The following HS6ST3 variants were observed in gnomAD, a reference collection of about 807,000 sequenced individuals.
HS6ST3 encodes the protein heparan sulfate 6-O-sulfotransferase 3.
Under a neutral mutation model 36.7 loss-of-function variants are expected in HS6ST3, and 12 were observed. The ratio of observed to expected loss-of-function variants is 0.33; its 90% CI spans 0.21 to 0.53. The LOEUF (loss-of-function observed/expected upper bound fraction) is 0.53, where lower values mean the gene tolerates loss of function less well. HS6ST3 is among the 20% of genes least tolerant of loss of function. The pLI, the probability that HS6ST3 is intolerant of heterozygous loss-of-function variation, is 0.95. For synonymous variants in HS6ST3, 240 were observed against 257.5 expected, an observed-to-expected ratio of 0.93 and a Z score of 0.65; for missense variants, 584 against 640.9, an observed-to-expected ratio of 0.91 and a Z score of 0.96.
chr13:96,730,437 G>A (rs1313267921), intron 1 of HS6ST3, among the ~76,000 whole-genome samples: 7 of 152,086 alleles, frequency 4.6e-5, no homozygotes, highest in Non-Finnish European at 1.0e-4. Context: ...AGAGTTAATT[G>A]GATCACCAGG....
intron 1 of HS6ST3, among the ~76,000 whole-genome samples, chr13:96,782,319 C>T (rs1924595): frequency 0.44 from 67,094 of 152,024 alleles, 18,076 homozygotes; most frequent in African/African-American, 0.77. Context: ...TTCTCCAAAA[C>T]AGTCGCCATG....
intron 1 of HS6ST3, among the ~76,000 whole-genome samples, chr13:96,555,284 G>A (rs563630994): frequency 8.5e-5 from 13 of 152,142 alleles, no homozygotes; most frequent in South Asian, 2.1e-4. Flanking sequence ...TTTTCAAAAC[G>A]TCATGTTGTA....
At chr13:96,362,583 T>C (rs965862101) in intron 1 of HS6ST3, among the ~76,000 whole-genome samples, 10 of 152,188 alleles carry the variant, frequency 6.6e-5, no homozygotes, top group Non-Finnish European at 1.2e-4. Flanking sequence ...TGTGTGAATC[T>C]CACTGGTGGA....
At chr13:96,132,411 T>C (rs1390992499) in intron 1 of HS6ST3, among the ~76,000 whole-genome samples, 3 of 139,262 alleles carry the variant, frequency 2.2e-5, no homozygotes, top group African/African-American at 8.6e-5. Context: ...TTTCTTTTTC[T>C]TTTTTTTTTT....
intron 1 of HS6ST3, among the ~76,000 whole-genome samples, chr13:96,818,221 T>C (rs1211016102): frequency 1.3e-5 from 2 of 152,204 alleles, no homozygotes; most frequent in Non-Finnish European, 1.5e-5. Context: ...TAAATTATCA[T>C]GCATATATTT....
At chr13:96,768,222 C>T (rs1877169248) in intron 1 of HS6ST3, among the ~76,000 whole-genome samples, 1 of 152,186 alleles carries the variant, frequency 6.6e-6, no homozygotes, top group Admixed American at 6.5e-5. Flanking sequence ...GTAGGTCACA[C>T]TTGCTTAGCA....
intron 1 of HS6ST3, among the ~76,000 whole-genome samples, chr13:96,331,989 C>T (rs2055072449): frequency 6.6e-6 from 1 of 152,236 alleles, no homozygotes; most frequent in Admixed American, 6.5e-5. Flanking sequence ...AAAGGGAACT[C>T]CCTGACCCCT....
At chr13:96,424,383 G>C (rs2055576279) in intron 1 of HS6ST3, among the ~76,000 whole-genome samples, 1 of 152,086 alleles carries the variant, frequency 6.6e-6, no homozygotes, top group Non-Finnish European at 1.5e-5. Context: ...ATTTCATTTA[G>C]AAATATTATA....
intron 1 of HS6ST3, among the ~76,000 whole-genome samples, chr13:96,772,368 C>A (rs1594856612): frequency 6.6e-6 from 1 of 152,120 alleles, no homozygotes; most frequent in African/African-American, 2.4e-5. Context: ...TATAAGCAAA[C>A]TCAATTAAAG....
At chr13:96,514,363 G>T (rs1445845264) in intron 1 of HS6ST3, among the ~76,000 whole-genome samples, 1 of 152,132 alleles carries the variant, frequency 6.6e-6, no homozygotes. Context: ...GGTTTTTCTC[G>T]CTCTGATCAT....
At chr13:96,543,736 G>A (rs2056186953) in intron 1 of HS6ST3, among the ~76,000 whole-genome samples, 1 of 152,084 alleles carries the variant, frequency 6.6e-6, no homozygotes. Flanking sequence ...AGGAAAGTGT[G>A]GCTGATTGTG....
intron 1 of HS6ST3, among the ~76,000 whole-genome samples, chr13:96,670,170 T>C (rs2056678313): frequency 6.6e-6 from 1 of 152,150 alleles, no homozygotes; most frequent in Non-Finnish European, 1.5e-5. Flanking sequence ...GCATGTGGCA[T>C]CCTGGAAACC....
chr13:96,540,596 C>A (rs999258847), intron 1 of HS6ST3, among the ~76,000 whole-genome samples: 1 of 152,160 alleles, frequency 6.6e-6, no homozygotes, highest in African/African-American at 2.4e-5. Flanking sequence ...TTAATGGATT[C>A]TTCACTGATA....
chr13:96,786,802 ATTC>A (rs1265960566), intron 1 of HS6ST3, among the ~76,000 whole-genome samples: 1 of 152,056 alleles, frequency 6.6e-6, no homozygotes, highest in Non-Finnish European at 1.5e-5. Flanking sequence ...ACATGTATGG[ATTC>A]TTGCAGCAAC....
intron 1 of HS6ST3, among the ~76,000 whole-genome samples, chr13:96,798,890 T>C (rs1242995564): frequency 6.6e-6 from 1 of 152,094 alleles, no homozygotes; most frequent in Non-Finnish European, 1.5e-5. Context: ...ACCTCTTCTT[T>C]GCTTGCAAAT....
intron 1 of HS6ST3, among the ~76,000 whole-genome samples, chr13:96,317,338 A>G (rs1257408747): frequency 1.8e-4 from 4 of 21,692 alleles, no homozygotes; most frequent in African/African-American, 7.9e-4. Context: ...ATATATATAT[A>G]TATATATATA....
intron 1 of HS6ST3, among the ~76,000 whole-genome samples, chr13:96,199,572 C>T (rs1252866630): frequency 6.6e-6 from 1 of 152,042 alleles, no homozygotes; most frequent in Non-Finnish European, 1.5e-5. Context: ...GAAATGAGGA[C>T]CATTAAATAT....
intron 1 of HS6ST3, among the ~76,000 whole-genome samples, chr13:96,551,005 G>A (rs1046069554): frequency 6.6e-6 from 1 of 152,118 alleles, no homozygotes; most frequent in Non-Finnish European, 1.5e-5. Context: ...GACTTCAAAG[G>A]TAGAATTTAA....
intron 1 of HS6ST3, among the ~76,000 whole-genome samples, chr13:96,528,931 C>G (rs574713436): frequency 1.8e-4 from 28 of 151,728 alleles, no homozygotes; most frequent in African/African-American, 6.5e-4. Flanking sequence ...ACAATGGCAC[C>G]CTTTTCAGAT....
Sources: allele counts gnomAD v4.1 joint callset (sites outside exome capture counted in the v4.1 genomes callset), GRCh38; gene constraint gnomAD v4.1.1; transcripts MANE v1.5; gene names NCBI Gene and HGNC (gene_info 2026-07-23, HGNC 2026-07-21).